Variants in ELMO2 observed in about 807,000 individuals in gnomAD.
The protein encoded by ELMO2 is engulfment and cell motility protein 2.
ELMO2 carries 37 observed loss-of-function variants against 96.2 expected under a neutral mutation model. The ratio of observed to expected loss-of-function variants is 0.38; its 90% CI spans 0.30 to 0.51. The LOEUF is 0.51. Among genes scored for constraint, ELMO2 ranks in the 20% least tolerant of loss-of-function variants. ELMO2 has a pLI of 0.88. For missense variants in ELMO2, 561 were observed against 912.6 expected (o/e 0.61, Z 4.96); for synonymous variants, 315 against 329.4 (o/e 0.96, Z 0.47).
intron 9 of ELMO2, among the ~76,000 whole-genome samples, chr20:46,385,059 G>A (rs760628679): frequency 6.8e-4 from 103 of 152,162 alleles, no homozygotes; most frequent in Non-Finnish European, 1.4e-3. Flanking sequence ...TTGGATTAGT[G>A]GGGAAAAACA....
At chr20:46,385,994 G>T in intron 9 of ELMO2, 130 bp downstream of exon 9, 1 of 993,486 alleles carries the variant, frequency 1.0e-6, no homozygotes, top group East Asian at 2.5e-5. Flanking sequence ...GTGTGGAAGA[G>T]GTGATGAATG....
intron 6 of ELMO2, 91 bp from the exon 7 acceptor site, chr20:46,389,311 C>T: frequency 7.3e-7 from 1 of 1,361,780 alleles, no homozygotes; most frequent in Non-Finnish European, 1.0e-6. Context: ...CTGTGGACAT[C>T]CAAACCTGAG....
chr20:46,369,088 C>T, intron 20 of ELMO2, 120 bp from the exon 21 acceptor site: 1 of 912,562 alleles, frequency 1.1e-6, no homozygotes, highest in Non-Finnish European at 1.7e-6. Flanking sequence ...AGATGAATGT[C>T]ATCAATGCTC....
At chr20:46,382,709 C>T (rs1342381598) in intron 10 of ELMO2, among the ~76,000 whole-genome samples, 1 of 152,164 alleles carries the variant, frequency 6.6e-6, no homozygotes, top group East Asian at 1.9e-4. Context: ...TCTTAGTTTC[C>T]TTATTTGTGA....
At position 46,371,730 on chromosome 20, in the gene ELMO2, G is replaced by C. The variant is rs761421278; in HGVS notation, c.1581-39C>G. The C allele has an allele frequency of 1.2e-6, 2 of 1,613,922 alleles. No individual in the cohort carries two copies. Among genetic ancestry groups the C allele is most frequent in the South Asian group, 1.1e-5 (1 of 91,056 alleles). ...ACACTGGAGTGAGCGGAAGGTCATGGGGACAGTGGAGCTCTGGAAGGAAAG... is the reference window on the plus strand; with the variant it reads ...ACACTGGAGTGAGCGGAAGGTCATGCGGACAGTGGAGCTCTGGAAGGAAAG... On this transcript the variant is annotated intron_variant, in intron 17 of 21. Coordinates refer to ENST00000290246, the MANE Select transcript of ELMO2 (RefSeq NM_133171.5). This position sits in a 1 kb window ranked among gnomAD's most constrained non-coding sequence, Gnocchi z 5.9.
rs944959464 is a variant in ELMO2 at position 46,367,115 on chromosome 20, G to A, written c.*245C>T. 7.2e-5 allele frequency: 27 copies of A among 373,528 alleles called. No individual in the cohort carries two copies. The East Asian group carries it at 1.0e-3, about 14-fold the overall frequency. 23.1% of individuals were successfully genotyped at this position (373,528 alleles called of 1,614,324 possible). Reference sequence around the variant, plus strand: ...CAAGGGCATCTGCTGTTTGTTCCTCGTGGCCCAATCCCAGGCTTCATGGTG... The same window carrying A: ...CAAGGGCATCTGCTGTTTGTTCCTCATGGCCCAATCCCAGGCTTCATGGTG... On this transcript the variant is annotated 3_prime_UTR_variant, in exon 22 of 22. Coordinates refer to ENST00000290246, the MANE Select transcript of ELMO2 (RefSeq NM_133171.5).
In ELMO2 at chr20:46,389,054, GT is replaced by G; in HGVS notation, c.409del (p.Thr137ProfsTer15). 6.2e-7 allele frequency: 1 copy of G among 1,613,884 alleles called. No homozygotes were observed. The highest frequency in any genetic ancestry group is 8.5e-7 in the Non-Finnish European group (1 of 1,179,864). ...IVLTRLVESG[T>X]KLLSHYSEML... ...TCATACTCACTGGGACAAGAGCTTGGTTCCACTTTCCACGAGCCTTGTCAGC... is the reference window on the plus strand; with the variant it reads ...TCATACTCACTGGGACAAGAGCTTGGTCCACTTTCCACGAGCCTTGTCAGC... On this transcript the variant is annotated frameshift_variant, in exon 7 of 22. Transcript: ENST00000290246. LOFTEE classifies it high-confidence loss of function.
At chr20:46,370,670 G>T in intron 19 of ELMO2, 145 bp from the exon 20 acceptor site, 1 of 755,824 alleles carries the variant, frequency 1.3e-6, no homozygotes, top group Non-Finnish European at 2.3e-6. Flanking sequence ...GCTCAGTGAG[G>T]GTGGTGGGGA....
chr20:46,373,110 A>G (rs1003118107), intron 16 of ELMO2: 1 of 355,276 alleles, frequency 2.8e-6, no homozygotes, highest in Admixed American at 4.3e-5. Context: ...AACCACAGTG[A>G]GTCTTCTAAT....
intron 10 of ELMO2, 121 bp from the exon 11 acceptor site, chr20:46,380,424 C>A: frequency 1.3e-6 from 1 of 781,242 alleles, no homozygotes; most frequent in South Asian, 1.7e-5. Context: ...TTTTTCCTCC[C>A]AAATGAAAAG....
chr20:46,375,645 C>G lies in ELMO2; in HGVS notation c.930+23G>C. ...GGACTGCACCACAGCCATGAGAAAA[C>G]AGCTGCCCCACTTAGCACCTACCTG... On this transcript the variant is annotated intron_variant, in intron 12 of 21. Transcript: ENST00000290246. This position sits in a 1 kb window ranked among gnomAD's most constrained non-coding sequence, Gnocchi z 4.6. 6.2e-7 allele frequency: 1 copy of G among 1,613,916 alleles called. No homozygotes were observed.
intron 6 of ELMO2, among the ~76,000 whole-genome samples, chr20:46,392,625 C>CA (rs2060171939): frequency 6.6e-6 from 1 of 152,240 alleles, no homozygotes; most frequent in South Asian, 2.1e-4. Flanking sequence ...TCTGGCTTCT[C>CA]AATGACTGCT....
chr20:46,370,188 CAG>C (rs1256869177), intron 20 of ELMO2: 1 of 622,030 alleles, frequency 1.6e-6, no homozygotes, highest in East Asian at 3.3e-5. Flanking sequence ...ACAGATGAAA[CAG>C]TGTGATACTT....
chr20:46,396,724 T>A (rs1294491914), intron 2 of ELMO2, among the ~76,000 whole-genome samples: 2 of 152,234 alleles, frequency 1.3e-5, no homozygotes, highest in African/African-American at 2.4e-5. Context: ...CTGGGATAAT[T>A]GTCCCTGCTG....
rs147345567 is a variant in ELMO2 at position 46,374,694 on chromosome 20, G to A, written c.1066-54C>T. The A allele has an allele frequency of 8.9e-5, 133 of 1,495,694 alleles. 1 individual carries two copies. In the East Asian group the frequency reaches 2.7e-3, roughly 30 times the overall value. 92.7% of individuals were successfully genotyped at this position (1,495,694 alleles called of 1,614,324 possible). On this transcript the variant is annotated intron_variant, in intron 13 of 21. Transcript: ENST00000290246. ...ATGCGGCAGTCTCCGTGTATGCAGGGACCTGAGGGGATGCCCTCTCGCCTC... is the reference window on the plus strand; with the variant it reads ...ATGCGGCAGTCTCCGTGTATGCAGGAACCTGAGGGGATGCCCTCTCGCCTC...
At chr20:46,369,004 C>T (rs549442448) in intron 20 of ELMO2, 36 bp from the exon 21 acceptor site, 1 of 1,599,398 alleles carries the variant, frequency 6.3e-7, no homozygotes, top group South Asian at 1.1e-5. Context: ...AGCGATGGAA[C>T]AGCCTGGGGT....
intron 1 of ELMO2, among the ~76,000 whole-genome samples, chr20:46,403,787 T>C (rs2060374691): frequency 6.6e-6 from 1 of 152,214 alleles, no homozygotes; most frequent in African/African-American, 2.4e-5. Flanking sequence ...GAGCAATTGC[T>C]GAACTGGGGC....
chr20:46,368,500 C>G (rs1246410109), intron 21 of ELMO2, among the ~76,000 whole-genome samples: 2 of 152,014 alleles, frequency 1.3e-5, no homozygotes, highest in African/African-American at 2.4e-5. Flanking sequence ...TTTTCCCAGT[C>G]CCAGGTAAAT....
chr20:46,379,161 T>G (rs2059912986), intron 11 of ELMO2, among the ~76,000 whole-genome samples: 1 of 152,008 alleles, frequency 6.6e-6, no homozygotes, highest in Non-Finnish European at 1.5e-5. Context: ...GCCCGGCTAA[T>G]TTTTGTATTT....
Sources: allele counts gnomAD v4.1 joint callset (sites outside exome capture counted in the v4.1 genomes callset), GRCh38; gene constraint gnomAD v4.1.1; non-coding constraint Gnocchi (gnomAD v3.1); transcripts MANE v1.5; gene names NCBI Gene and HGNC (gene_info 2026-07-23, HGNC 2026-07-21).